ROBO2: variants seen among roughly 807,000 people sequenced by gnomAD.
ROBO2 encodes roundabout homolog 2.
In ROBO2, 53 loss-of-function variants were observed where a neutral mutation model predicts 160.8. The observed-to-expected ratio is 0.33, with a 90% CI of 0.26 to 0.41. The LOEUF is 0.41. Among genes scored for constraint, ROBO2 ranks in the 10% least tolerant of loss-of-function variants. The pLI is 1.00. For missense variants in ROBO2, 1,577 were observed against 1,722.4 expected (o/e 0.92, Z 1.49); for synonymous variants, 664 against 611.7 (o/e 1.09, Z -1.26).
chr3:76,179,620 G>A (rs376721023), intron 2 of ROBO2, among the ~76,000 whole-genome samples: 1 of 151,946 alleles, frequency 6.6e-6, no homozygotes, highest in African/African-American at 2.4e-5. Flanking sequence ...TTGGCTTCCC[G>A]TATTGACTTT....
At chr3:76,834,062 T>TTTTCTCTTTC (rs2067368338) in intron 2 of ROBO2, among the ~76,000 whole-genome samples, 1 of 88,012 alleles carries the variant, frequency 1.1e-5, no homozygotes, top group East Asian at 3.7e-4. Context: ...CCTTTCTTTC[T>TTTTCTCTTTC]TTTCTTTCTT....
intron 2 of ROBO2, among the ~76,000 whole-genome samples, chr3:76,120,491 A>G (rs4393913): frequency 0.6 from 90,879 of 151,980 alleles, 28,159 homozygotes; most frequent in East Asian, 0.75. Context: ...GTTGGTTTCT[A>G]TATGGGCTAC....
At chr3:76,403,561 G>T (rs949200762) in intron 2 of ROBO2, among the ~76,000 whole-genome samples, 1 of 151,430 alleles carries the variant, frequency 6.6e-6, no homozygotes, top group Admixed American at 6.6e-5. Context: ...AGAGGGTTCT[G>T]CATTCTTCTT....
intron 2 of ROBO2, among the ~76,000 whole-genome samples, chr3:77,291,492 C>G (rs573027133): frequency 6.9e-4 from 102 of 148,198 alleles, no homozygotes; most frequent in African/African-American, 2.5e-3. Context: ...GCTAGATCAC[C>G]CCAGACATAA....
chr3:75,943,706 T>G (rs1349758288), intron 2 of ROBO2, among the ~76,000 whole-genome samples: 2 of 152,076 alleles, frequency 1.3e-5, no homozygotes, highest in Non-Finnish European at 2.9e-5. Context: ...TGTTTGTTTG[T>G]TTTTTGTTTT....
chr3:75,919,676 T>C (rs1946950359), intron 1 of ROBO2, among the ~76,000 whole-genome samples: 1 of 152,156 alleles, frequency 6.6e-6, no homozygotes, highest in Admixed American at 6.5e-5. Context: ...TGGGCTTTTT[T>C]TGGTTGGTAG....
chr3:77,622,478 T>G, intron 23 of ROBO2, 46 bp downstream of exon 24: 1 of 1,521,946 alleles, frequency 6.6e-7, no homozygotes, highest in Non-Finnish European at 9.1e-7. Context: ...TTGGTAACAT[T>G]AAAATGCATC....
chr3:77,099,280 G>T (rs961935477), intron 2 of ROBO2, among the ~76,000 whole-genome samples: 1 of 151,922 alleles, frequency 6.6e-6, no homozygotes, highest in Non-Finnish European at 1.5e-5. Context: ...GCCCAGGCTG[G>T]TCTTGAGCTC....
intron 2 of ROBO2, among the ~76,000 whole-genome samples, chr3:75,948,600 A>G (rs1180400314): frequency 9.2e-5 from 14 of 152,076 alleles, no homozygotes; most frequent in Non-Finnish European, 4.4e-5. Flanking sequence ...AGTACCCTGT[A>G]AGAGACATGC....
intron 2 of ROBO2, among the ~76,000 whole-genome samples, chr3:76,878,359 C>A (rs1483097734): frequency 1.3e-5 from 2 of 152,070 alleles, no homozygotes; most frequent in Non-Finnish European, 2.9e-5. Context: ...ACACAAGGTG[C>A]TTTATCTGTT....
intron 2 of ROBO2, among the ~76,000 whole-genome samples, chr3:76,212,614 T>G (rs1383116374): frequency 2.0e-5 from 3 of 152,122 alleles, no homozygotes; most frequent in African/African-American, 7.2e-5. Context: ...TATTATGCAA[T>G]AAGATCAGGA....
chr3:76,672,507 G>A (rs929934645), intron 2 of ROBO2, among the ~76,000 whole-genome samples: 2 of 152,116 alleles, frequency 1.3e-5, no homozygotes, highest in Admixed American at 6.6e-5. Context: ...TACAATATGA[G>A]AAGCCCTATA....
chr3:76,002,281 A>T lies in ROBO2; in HGVS notation c.109+64679A>T, dbSNP rs528537070. Among the ~76,000 whole-genome samples, 74 of 152,272 alleles carry T rather than the reference A, an allele frequency of 4.9e-4. No individual in the cohort carries two copies. The South Asian group carries it at 0.015, about 31-fold the overall frequency. On this transcript the variant is annotated intron_variant, in intron 2 of 26. Coordinates refer to the ROBO2 transcript ENST00000487694. ...GGCATAGAGAGAAGATGATGTGAAGATACAGGAAGAATGCCATCGATAAGC... is the reference window on the plus strand; with the variant it reads ...GGCATAGAGAGAAGATGATGTGAAGTTACAGGAAGAATGCCATCGATAAGC...
chr3:76,223,193 A>G (rs1285846208), intron 2 of ROBO2, among the ~76,000 whole-genome samples: 3 of 151,842 alleles, frequency 2.0e-5, no homozygotes, highest in Non-Finnish European at 2.9e-5. Flanking sequence ...CACCTTTAGG[A>G]TCCTGCTAGA....
At chr3:76,619,516 AG>A (rs1205548015) in intron 2 of ROBO2, among the ~76,000 whole-genome samples, 2 of 152,184 alleles carry the variant, frequency 1.3e-5, no homozygotes, top group African/African-American at 4.8e-5. Context: ...CCACTATTTG[AG>A]GTCATTCATG....
chr3:77,283,477 A>G (rs1018988232), intron 2 of ROBO2, among the ~76,000 whole-genome samples: 1 of 152,232 alleles, frequency 6.6e-6, no homozygotes. Context: ...TTTTCTTATT[A>G]AAACTTCTAA....
chr3:76,252,745 G>T (rs151163075), intron 2 of ROBO2, among the ~76,000 whole-genome samples: 2 of 116,508 alleles, frequency 1.7e-5, no homozygotes, highest in African/African-American at 6.0e-5. Flanking sequence ...TATATAAAAC[G>T]CATGTATATG....
intron 2 of ROBO2, among the ~76,000 whole-genome samples, chr3:77,398,250 G>A (rs181044091): frequency 9.2e-5 from 14 of 152,202 alleles, no homozygotes; most frequent in Admixed American, 4.6e-4. Context: ...GGGAACATGC[G>A]GGAGGGAGTG....
Position 76,848,740 on chromosome 3 carries a change from C to G in ROBO2, c.110-249274C>G, listed in dbSNP as rs577544766. On this transcript the variant is annotated intron_variant, in intron 2 of 26. Transcript: ENST00000487694. Reference sequence around the variant, plus strand: ...TCTCTAAGGCCTTTTTATAAGGGCACTGATCCCATTTATGAGGGCTCCACT... The same window carrying G: ...TCTCTAAGGCCTTTTTATAAGGGCAGTGATCCCATTTATGAGGGCTCCACT... 5.9e-5 allele frequency among the ~76,000 whole-genome samples: 9 copies of G among 152,250 alleles called. No homozygotes were observed. In the East Asian group the frequency reaches 1.7e-3, roughly 30 times the overall value.
Sources: gnomAD v4.1 joint callset for allele counts (sites outside exome capture counted in the v4.1 genomes callset) on GRCh38, gnomAD v4.1.1 for gene constraint, MANE v1.5 for transcripts, NCBI Gene and HGNC (gene_info 2026-07-23, HGNC 2026-07-21) for gene names.